Variants in GTF3C2 observed in about 807,000 individuals in gnomAD.
GTF3C2 encodes general transcription factor 3C polypeptide 2.
In GTF3C2, 17 loss-of-function variants were observed where a neutral mutation model predicts 117.4. That is an observed-to-expected ratio of 0.14 (90% CI 0.10 to 0.22). The LOEUF is 0.22. Ranked by LOEUF, GTF3C2 falls within the 10% of genes least tolerant of loss-of-function variation. The pLI, the probability that GTF3C2 is intolerant of heterozygous loss-of-function variation, is 1.00. For missense variants in GTF3C2, 888 were observed against 1,143.6 expected (o/e 0.78, Z 3.22); for synonymous variants, 437 against 427.0 (o/e 1.02, Z -0.29).
At chr2:27,326,916 G>C (rs1680094038) in intron 18 of GTF3C2, 23 bp from the exon 19 acceptor site, 1 of 1,486,036 alleles carries the variant, frequency 6.7e-7, no homozygotes, top group Non-Finnish European at 9.4e-7. Context: ...CAGAAAACAA[G>C]AGAGAGATGC....
chr2:27,333,987 G>A, exon 11 of GTF3C2: 1 of 1,609,924 alleles, frequency 6.2e-7, no homozygotes, highest in Non-Finnish European at 8.5e-7. Flanking sequence ...ATATATGGCA[G>A]GCTTCACTGC....
In GTF3C2 at chr2:27,329,260, T is replaced by C. The variant is rs1467902737; in HGVS notation, c.1900A>G (p.Ser634Gly). ...TCCCAGAATTTGATTTTCCGGTCAC[T>C]CCCCGCAGAGACAAGGAAATGGCTG... The change falls in exon 14 of 19, where the codon AGT (serine) becomes GGT (glycine). Residue 634 changes from serine to glycine, a missense_variant. Transcript: ENST00000264720. The surrounding 1 kb of genome is among the most constrained non-coding windows in gnomAD (Gnocchi z 4.5). 6.2e-7 allele frequency: 1 copy of C among 1,614,112 alleles called. No homozygotes were observed. The highest frequency in any genetic ancestry group is 1.7e-5 in the Admixed American group (1 of 60,012).
Position 27,335,427 on chromosome 2 carries a change from A to G in GTF3C2, c.1576+171T>C, listed in dbSNP as rs767069880. On this transcript the variant is annotated intron_variant, in intron 10 of 18. Coordinates refer to ENST00000264720, the Ensembl canonical transcript of GTF3C2. Reference sequence around the variant, plus strand: ...AAGAGTACAGCTGTAAGACTGCAAAAGAGAGAGGGCTCAAGAACAAACCTG... The same window carrying G: ...AAGAGTACAGCTGTAAGACTGCAAAGGAGAGAGGGCTCAAGAACAAACCTG... The G allele has an allele frequency of 3.2e-5, 23 of 713,892 alleles. No individual in the cohort carries two copies. The Admixed American group carries it at 4.2e-4, about 13-fold the overall frequency. 44.2% of individuals were successfully genotyped at this position (713,892 alleles called of 1,614,324 possible).
At chr2:27,338,398 G>T in intron 4 of GTF3C2, 1 of 250,802 alleles carries the variant, frequency 4.0e-6, no homozygotes, top group Non-Finnish European at 7.8e-6. Flanking sequence ...CCTCGATGAT[G>T]GTATTCCCCA....
intron 1 of GTF3C2, among the ~76,000 whole-genome samples, chr2:27,347,067 T>C (rs1204746404): frequency 1.3e-5 from 2 of 152,118 alleles, no homozygotes; most frequent in Non-Finnish European, 2.9e-5. Flanking sequence ...CCCAAAAAAT[T>C]AGTTGTATAA....
chr2:27,346,052 G>A, intron 1 of GTF3C2, among the ~76,000 whole-genome samples: 1 of 110,230 alleles, frequency 9.1e-6, no homozygotes, highest in East Asian at 2.6e-4. Context: ...ACACGCTCTT[G>A]TTCTATCACC....
chr2:27,345,555 C>T (rs868497331), intron 1 of GTF3C2, among the ~76,000 whole-genome samples: 11 of 151,112 alleles, frequency 7.3e-5, no homozygotes, highest in Non-Finnish European at 1.3e-4. Context: ...ATCATGCCAC[C>T]GTACTCCAGC....
chr2:27,327,305 A>G (rs780896762), intron 17 of GTF3C2, 21 bp from the exon 18 acceptor site: 43 of 1,279,148 alleles, frequency 3.4e-5, no homozygotes, highest in Non-Finnish European at 4.7e-5. Context: ...GAAATGGAAT[A>G]GGAGAGAGAA....
rs542655996 is a variant in GTF3C2, at chr2:27,356,289, A to G, written c.-25+450T>C. ...GAGCCTCCTCGAGGAAGAGGCTGGG[A>G]CACAGCTGAAAGAGATTGACCCACA... is the stretch of plus-strand genomic sequence containing the variant. On this transcript the variant is annotated intron_variant, in intron 1 of 18. Coordinates refer to ENST00000264720, the Ensembl canonical transcript of GTF3C2. 13 of 391,076 alleles carry G rather than the reference A, an allele frequency of 3.3e-5. 1 individual carries two copies. Among genetic ancestry groups the G allele is most frequent in the African/African-American group, 2.1e-4 (10 of 47,780 alleles). 24.2% of individuals were successfully genotyped at this position (391,076 alleles called of 1,614,324 possible).
exon 3 of GTF3C2, chr2:27,342,930 C>T (rs1680787727): frequency 1.9e-6 from 3 of 1,614,170 alleles, no homozygotes; most frequent in Non-Finnish European, 2.5e-6. Context: ...CTTTTGACAA[C>T]TTCAGCAGCA....
At chr2:27,346,871 T>A (rs1187645234) in intron 1 of GTF3C2, among the ~76,000 whole-genome samples, 4 of 151,934 alleles carry the variant, frequency 2.6e-5, no homozygotes, top group Non-Finnish European at 5.9e-5. Context: ...CGTTTTTAAT[T>A]TTTTTGTGCA....
chr2:27,336,622 A>G (rs1354386383), intron 7 of GTF3C2, 197 bp from the exon 8 acceptor site: 3 of 539,768 alleles, frequency 5.6e-6, no homozygotes, highest in Non-Finnish European at 9.9e-6. Flanking sequence ...GTCTTATATT[A>G]TTATTATTTG....
At chr2:27,350,315 G>T in intron 1 of GTF3C2, 2 of 670,422 alleles carry the variant, frequency 3.0e-6, no homozygotes, top group Non-Finnish European at 3.7e-6. Context: ...CAGACCTACC[G>T]AATCAGCAAT....
intron 4 of GTF3C2, among the ~76,000 whole-genome samples, chr2:27,338,678 A>G (rs576545474): frequency 1.1e-4 from 17 of 152,070 alleles, no homozygotes; most frequent in African/African-American, 3.4e-4. Context: ...CTGGGACTAC[A>G]GGCACACCCC....
intron 1 of GTF3C2, among the ~76,000 whole-genome samples, chr2:27,346,138 C>T (rs543093484): frequency 1.3e-4 from 20 of 150,780 alleles, no homozygotes; most frequent in African/African-American, 4.9e-4. Flanking sequence ...ATCCTCCTGC[C>T]TCAGCCTCCC....
chr2:27,328,698 G>A, intron 15 of GTF3C2, 102 bp from the exon 16 acceptor site: 1 of 1,162,000 alleles, frequency 8.6e-7, no homozygotes, highest in Non-Finnish European at 1.3e-6. Context: ...ACAAAAATGA[G>A]TTTACCATAA....
intron 16 of GTF3C2, 114 bp downstream of exon 16, chr2:27,328,354 G>A: frequency 8.5e-7 from 1 of 1,173,018 alleles, no homozygotes; most frequent in Non-Finnish European, 1.3e-6. Flanking sequence ...TCTGTGCTAA[G>A]ATTTTCTGGG....
In GTF3C2 at chr2:27,337,468, T is replaced by C; in HGVS notation, c.1028+13A>G. The C allele has an allele frequency of 6.3e-7, 1 of 1,579,910 alleles. No individual in the cohort carries two copies. The highest frequency in any genetic ancestry group is 8.7e-7 in the Non-Finnish European group (1 of 1,148,746). On this transcript the variant is annotated intron_variant, in intron 6 of 18. Transcript: ENST00000264720. Reference sequence around the variant, plus strand: ...CACCCTTCCTAAGCTACAGAGATGTTGCTTCAACTTACAGCTCAGATAACA... The same window carrying C: ...CACCCTTCCTAAGCTACAGAGATGTCGCTTCAACTTACAGCTCAGATAACA...
chr2:27,348,270 GAAA>G (rs74532320), intron 1 of GTF3C2, among the ~76,000 whole-genome samples: 1 of 135,156 alleles, frequency 7.4e-6, no homozygotes. Flanking sequence ...CCGTCTGAGG[GAAA>G]AAAAAAAAAA....
Sources: allele counts gnomAD v4.1 joint callset (sites outside exome capture counted in the v4.1 genomes callset), GRCh38; gene constraint gnomAD v4.1.1; non-coding constraint Gnocchi (gnomAD v3.1); transcripts MANE v1.5; gene names NCBI Gene and HGNC (gene_info 2026-07-23, HGNC 2026-07-21).